Variants in ANLN observed in about 807,000 individuals in gnomAD.
ANLN encodes anillin.
ANLN carries 59 observed loss-of-function variants against 135.1 expected under a neutral mutation model. The observed-to-expected ratio is 0.44, with a 90% CI of 0.35 to 0.54. The LOEUF (loss-of-function observed/expected upper bound fraction) is 0.54. Ranked by LOEUF, ANLN falls within the 20% of genes least tolerant of loss-of-function variation. The pLI is 0.00. For synonymous variants in ANLN, 406 were observed against 456.4 expected, an observed-to-expected ratio of 0.89 and a Z score of 1.41; for missense variants, 1,182 against 1,340.0, an observed-to-expected ratio of 0.88 and a Z score of 1.84.
At chr7:36,447,484 G>C (rs1452597793) in intron 22 of ANLN, among the ~76,000 whole-genome samples, 1 of 143,750 alleles carries the variant, frequency 7.0e-6, no homozygotes, top group Non-Finnish European at 1.5e-5. Context: ...GAGTGCAGTC[G>C]CGGGATCTCG....
chr7:36,420,534 C>G (rs1046726687), intron 11 of ANLN, 63 bp from the exon 12 acceptor site: 1 of 1,415,444 alleles, frequency 7.1e-7, no homozygotes, highest in Non-Finnish European at 9.9e-7. Context: ...CTGATATGTT[C>G]AATAAAGGAT....
At chr7:36,443,944 C>T (rs930977022) in intron 22 of ANLN, 82 bp downstream of exon 22, 52 of 890,100 alleles carry the variant, frequency 5.8e-5, no homozygotes, top group Non-Finnish European at 8.1e-5. Context: ...CTCTGGCCCC[C>T]ATCACTCACC....
At chr7:36,399,422 T>C (rs1162884463) in intron 3 of ANLN, 29 bp downstream of exon 3, 2 of 1,517,718 alleles carry the variant, frequency 1.3e-6, no homozygotes, top group East Asian at 2.3e-5. Flanking sequence ...GTATGGCCCA[T>C]ACATCTGTTC....
In ANLN at chr7:36,424,505, G is replaced by A. The variant is rs773189172; in HGVS notation, c.2604-40G>A. The A allele has an allele frequency of 1.5e-5, 23 of 1,521,322 alleles. No individual in the cohort carries two copies. The Admixed American group carries it at 2.9e-4, about 19-fold the overall frequency. 94.2% of individuals were successfully genotyped at this position (1,521,322 alleles called of 1,614,324 possible). ...CATCATTTTTAATGGTGTGATTGAG[G>A]TTTTCTCTCAAGGTTTTACTTAATG... On this transcript the variant is annotated intron_variant, in intron 15 of 23. Coordinates refer to ENST00000265748, the MANE Select transcript of ANLN (RefSeq NM_018685.5).
At chr7:36,425,130 T>G (rs944282533) in intron 17 of ANLN, among the ~76,000 whole-genome samples, 1 of 152,108 alleles carries the variant, frequency 6.6e-6, no homozygotes, top group Non-Finnish European at 1.5e-5. Flanking sequence ...TCTGTGTTCT[T>G]TTCTTAAGTC....
At chr7:36,404,078 C>A (rs772143432) in intron 3 of ANLN, among the ~76,000 whole-genome samples, 1 of 152,190 alleles carries the variant, frequency 6.6e-6, no homozygotes, top group African/African-American at 2.4e-5. Flanking sequence ...TCAAGCTATT[C>A]CCCTGCCTCA....
chr7:36,411,072 A>G lies in ANLN; in HGVS notation c.1301A>G (p.Glu434Gly). The change falls in exon 7 of 24, where the codon GAA (glutamate) becomes GGA (glycine). Residue 434 changes from glutamate (E) to glycine (G), a missense_variant. Around this residue, in one of 3 missense-constraint regions of ANLN, gnomAD observed 1,022 missense variants for 1,134.0 expected, o/e 0.90. Transcript: ENST00000265748. ...AQQLKQERQK[E>G]LACLRGRFDK... ...TGATGGGTTTAGGAACGTCAAAAAG[A>G]ACTAGCATGTCTTCGTGGCCGATTT... is the stretch of plus-strand genomic sequence containing the variant. 1 of 1,606,992 alleles carries G rather than the reference A, an allele frequency of 6.2e-7. No individual in the cohort carries two copies. The highest frequency in any genetic ancestry group is 8.5e-7 in the Non-Finnish European group (1 of 1,178,538).
intron 3 of ANLN, among the ~76,000 whole-genome samples, chr7:36,403,822 G>C (rs1321221416): frequency 6.6e-6 from 1 of 152,064 alleles, no homozygotes; most frequent in South Asian, 2.1e-4. Context: ...GCTAAGTTTT[G>C]CATTTTTTGT....
chr7:36,415,900 T>C lies in ANLN; in HGVS notation c.1522+16T>C, dbSNP rs1297708021. ...GAACCTAAAGGTCAGTGTTTCCAGA[T>C]TGTTCATGGTTAGTATGTAGAAACT... On this transcript the variant is annotated intron_variant, in intron 8 of 23. Coordinates refer to ENST00000265748, the MANE Select transcript of ANLN (RefSeq NM_018685.5). 3.2e-6 allele frequency: 5 copies of C among 1,557,468 alleles called. No individual in the cohort carries two copies. Among genetic ancestry groups the C allele is most frequent in the Non-Finnish European group, 4.3e-6 (5 of 1,156,872 alleles).
chr7:36,436,203 G>A (rs28825163), intron 20 of ANLN, among the ~76,000 whole-genome samples: 76,168 of 151,956 alleles, frequency 0.5, 19,427 homozygotes, highest in East Asian at 0.64. Flanking sequence ...ATATAAATGG[G>A]ATCATCATAC....
chr7:36,437,049 T>C (rs1379412488), intron 20 of ANLN, among the ~76,000 whole-genome samples: 1 of 152,204 alleles, frequency 6.6e-6, no homozygotes, highest in East Asian at 1.9e-4. Context: ...AGTGAATTAT[T>C]GTGAACTATA....
chr7:36,424,839 A>C, intron 17 of ANLN, 97 bp downstream of exon 17: 1 of 1,271,224 alleles, frequency 7.9e-7, no homozygotes, highest in Non-Finnish European at 1.1e-6. Context: ...ATGATTAGGA[A>C]GTTTTTGGAT....
chr7:36,442,284 A>G (rs1178518933), intron 21 of ANLN, among the ~76,000 whole-genome samples: 1 of 152,242 alleles, frequency 6.6e-6, no homozygotes, highest in Non-Finnish European at 1.5e-5. Context: ...CAACAATCAG[A>G]GAAGTAAAGT....
intron 13 of ANLN, 73 bp downstream of exon 13, chr7:36,422,065 C>A: frequency 1.3e-6 from 2 of 1,522,440 alleles, no homozygotes; most frequent in African/African-American, 1.4e-5. Flanking sequence ...ATTTAGAAAT[C>A]TTTAAGTTTA....
chr7:36,407,660 C>T, intron 4 of ANLN, 74 bp from the exon 5 acceptor site: 3 of 1,134,458 alleles, frequency 2.6e-6, no homozygotes, highest in Non-Finnish European at 3.9e-6. Flanking sequence ...GTAAATAGGA[C>T]TTGAATTGTT....
chr7:36,390,065 A>G (rs1562778120), intron 1 of ANLN, 21 bp downstream of exon 1: 1 of 1,613,426 alleles, frequency 6.2e-7, no homozygotes, highest in Non-Finnish European at 8.5e-7. Flanking sequence ...TTGCGGGTGC[A>G]GCCAGCCATG....
intron 20 of ANLN, among the ~76,000 whole-genome samples, chr7:36,428,951 G>A (rs909391931): frequency 5.3e-5 from 8 of 151,744 alleles, no homozygotes; most frequent in South Asian, 2.1e-4. Context: ...GCTAGTTTTT[G>A]TATTTTTAGT....
Position 36,415,794 on chromosome 7 carries a change from C to G in ANLN, c.1432C>G (p.Gln478Glu). The stretch of plus-strand genomic sequence containing the variant: ...TCAGAGCACTCCCCTCAAAAAACAC[C>G]AAGGTGTTTCAAAAACTCAGTCACT... ...HCQSTPLKKHQGVSKTQSLPV... is the reference protein window; with the variant it reads ...HCQSTPLKKHEGVSKTQSLPV... Residue 478 changes from glutamine to glutamate, a missense_variant, in exon 8 of 24, where the codon CAA (glutamine) becomes GAA (glutamate). Physicochemically the swap from Gln to Glu is conservative, Grantham distance 29. Transcript: ENST00000265748. The G allele has an allele frequency of 3.1e-6, 5 of 1,607,036 alleles. No individual in the cohort carries two copies. The highest frequency in any genetic ancestry group is 4.2e-6 in the Non-Finnish European group (5 of 1,177,902).
At chr7:36,424,835 A>G in intron 17 of ANLN, 93 bp downstream of exon 17, 1 of 1,333,386 alleles carries the variant, frequency 7.5e-7, no homozygotes, top group Non-Finnish European at 1.0e-6. Flanking sequence ...TTTAATGATT[A>G]GGAAGTTTTT....
Sources: gnomAD v4.1 joint callset for allele counts (sites outside exome capture counted in the v4.1 genomes callset) on GRCh38, gnomAD v4.1.1 for gene constraint, gnomAD v4.1.1 regional missense constraint, MANE v1.5 for transcripts, NCBI Gene and HGNC (gene_info 2026-07-23, HGNC 2026-07-21) for gene names.